The following FAM135B variants were observed in gnomAD, a reference collection of about 807,000 sequenced individuals.
FAM135B encodes the protein family with sequence similarity 135 member B.
A neutral mutation model predicts 127.7 loss-of-function variants in FAM135B; 43 were observed. The ratio of observed to expected loss-of-function variants is 0.34; its 90% CI spans 0.26 to 0.43. The LOEUF is 0.43. FAM135B is among the 20% of genes least tolerant of loss of function. The pLI, the probability that FAM135B is intolerant of heterozygous loss-of-function variation, is 1.00. For missense variants in FAM135B, 1,558 were observed against 1,725.6 expected, an observed-to-expected ratio of 0.90 and a Z score of 1.72; for synonymous variants, 670 against 665.1, an observed-to-expected ratio of 1.01 and a Z score of -0.11.
rs774944317 is a variant in FAM135B at position 138,243,112 on chromosome 8, A to G, written c.543-44T>C. The G allele has an allele frequency of 1.1e-5, 17 of 1,579,194 alleles. No individual in the cohort carries two copies. Among genetic ancestry groups the G allele is most frequent in the South Asian group, 1.2e-5 (1 of 84,572 alleles). On this transcript the variant is annotated intron_variant, in intron 6 of 19. Transcript: ENST00000395297. The surrounding 1 kb of genome is among the most constrained non-coding windows in gnomAD (Gnocchi z 7.5). ...AAAGGGTGAAAAAGGAGGTAAAGAA[A>G]GTGATGGTGCCATTAACTCAGCCCC...
At chr8:138,140,325 G>T (rs1249940784) in intron 17 of FAM135B, among the ~76,000 whole-genome samples, 2 of 152,230 alleles carry the variant, frequency 1.3e-5, no homozygotes, top group Non-Finnish European at 2.9e-5. Context: ...GGACAAGGAA[G>T]CTTATCAGGG....
chr8:138,425,998 T>TATATATATATAC (rs1834835152), intron 1 of FAM135B, among the ~76,000 whole-genome samples: 2 of 14,956 alleles, frequency 1.3e-4, no homozygotes, highest in African/African-American at 1.3e-3. Flanking sequence ...TATATATATA[T>TATATATATATAC]ATATATATAT....
intron 1 of FAM135B, among the ~76,000 whole-genome samples, chr8:138,454,021 G>C (rs1519373): frequency 0.58 from 88,638 of 151,800 alleles, 27,666 homozygotes; most frequent in African/African-American, 0.8. Context: ...CGAGCTATGC[G>C]TGCAACTCAT....
intron 2 of FAM135B, among the ~76,000 whole-genome samples, chr8:138,315,636 T>C (rs183799982): frequency 5.4e-4 from 78 of 143,638 alleles, no homozygotes; most frequent in African/African-American, 2.1e-3. Context: ...CACACACACA[T>C]ACACATGCAC....
chr8:138,163,855 C>A (rs1380204593), intron 12 of FAM135B, among the ~76,000 whole-genome samples: 2 of 152,080 alleles, frequency 1.3e-5, no homozygotes, highest in African/African-American at 2.4e-5. Flanking sequence ...CAGGGTCTCA[C>A]CTGTCACCCA....
chr8:138,313,110 A>C (rs1475932007), intron 2 of FAM135B, among the ~76,000 whole-genome samples: 1 of 152,202 alleles, frequency 6.6e-6, no homozygotes, highest in Non-Finnish European at 1.5e-5. Flanking sequence ...CTATTAGGAA[A>C]CAGAGAAAAG....
chr8:138,445,944 A>C (rs530165589), intron 1 of FAM135B, among the ~76,000 whole-genome samples: 25 of 152,324 alleles, frequency 1.6e-4, no homozygotes, highest in Non-Finnish European at 3.1e-4. Context: ...CTGATAAGCA[A>C]CTTCAGCAAA....
At chr8:138,437,267 A>T (rs1212038198) in intron 1 of FAM135B, 3 of 152,220 alleles carry the variant, frequency 2.0e-5, no homozygotes, top group African/African-American at 7.2e-5. Flanking sequence ...TCTGTGATAT[A>T]GTTAGGCTTT....
intron 1 of FAM135B, among the ~76,000 whole-genome samples, chr8:138,379,255 G>C (rs954052202): frequency 6.6e-6 from 1 of 152,032 alleles, no homozygotes; most frequent in African/African-American, 2.4e-5. Context: ...TTCACATTCT[G>C]ACCATTTTAC....
At chr8:138,344,225 T>C (rs892943678) in intron 2 of FAM135B, among the ~76,000 whole-genome samples, 3 of 152,220 alleles carry the variant, frequency 2.0e-5, no homozygotes, top group Admixed American at 6.5e-5. Flanking sequence ...AGGGAGAAGA[T>C]ACCATGTCAA....
At chr8:138,150,305 C>T (rs951651065) in intron 13 of FAM135B, among the ~76,000 whole-genome samples, 8 of 152,130 alleles carry the variant, frequency 5.3e-5, no homozygotes, top group African/African-American at 1.9e-4. Flanking sequence ...TCAAAGAACT[C>T]CCCTTTCAAA....
At chr8:138,143,901 G>A (rs906315496) in intron 15 of FAM135B, among the ~76,000 whole-genome samples, 2 of 152,168 alleles carry the variant, frequency 1.3e-5, no homozygotes, top group Non-Finnish European at 2.9e-5. Flanking sequence ...GAGGATAGGA[G>A]TGGTGAAGAG....
intron 1 of FAM135B, among the ~76,000 whole-genome samples, chr8:138,442,797 CA>C (rs1184522052): frequency 6.6e-6 from 1 of 152,030 alleles, no homozygotes; most frequent in Non-Finnish European, 1.5e-5. Flanking sequence ...TTCCCACTCC[CA>C]GGGGGAAGGA....
intron 1 of FAM135B, among the ~76,000 whole-genome samples, chr8:138,375,151 T>C (rs1831384938): frequency 6.6e-6 from 1 of 152,002 alleles, no homozygotes. Context: ...AAACTGCACA[T>C]GTAGCTGATA....
intron 3 of FAM135B, among the ~76,000 whole-genome samples, chr8:138,300,317 C>T (rs1825794743): frequency 6.6e-6 from 1 of 151,984 alleles, no homozygotes; most frequent in Non-Finnish European, 1.5e-5. Flanking sequence ...GAGCCTGTGG[C>T]CTAGCCAAGG....
intron 1 of FAM135B, among the ~76,000 whole-genome samples, chr8:138,432,908 G>A (rs991195023): frequency 6.6e-6 from 1 of 152,056 alleles, no homozygotes; most frequent in Non-Finnish European, 1.5e-5. Context: ...TTGTAAAACA[G>A]TCCAGGTACC....
chr8:138,243,386 G>A lies in FAM135B; in HGVS notation c.543-318C>T, dbSNP rs549429739. On this transcript the variant is annotated intron_variant, in intron 6 of 19. Coordinates refer to ENST00000395297, the MANE Select transcript of FAM135B (RefSeq NM_015912.4). This position sits in a 1 kb window ranked among gnomAD's most constrained non-coding sequence, Gnocchi z 7.5. ...CCAAGCTTATATCACTAGAGGGGAAGGTGGCATGGGCTCCGAAAATTTCAG... is the reference window on the plus strand; with the variant it reads ...CCAAGCTTATATCACTAGAGGGGAAAGTGGCATGGGCTCCGAAAATTTCAG... Among the ~76,000 whole-genome samples, 18 of 152,308 alleles carry A rather than the reference G, an allele frequency of 1.2e-4. No homozygotes were observed. Among genetic ancestry groups the A allele is most frequent in the African/African-American group, 3.4e-4 (14 of 41,568 alleles).
intron 7 of FAM135B, among the ~76,000 whole-genome samples, chr8:138,238,655 A>G (rs1226293405): frequency 1.3e-5 from 2 of 152,148 alleles, no homozygotes; most frequent in Non-Finnish European, 2.9e-5. Flanking sequence ...TGAAGGGAAC[A>G]CCTGTTCTCT....
chr8:138,349,554 C>G (rs1567686), intron 2 of FAM135B, among the ~76,000 whole-genome samples: 74,603 of 152,060 alleles, frequency 0.49, 20,536 homozygotes, highest in Non-Finnish European at 0.64. Context: ...TTCTTTTTCA[C>G]TTTTTCTTTC....
Sources: allele counts gnomAD v4.1 joint callset (sites outside exome capture counted in the v4.1 genomes callset), GRCh38; gene constraint gnomAD v4.1.1; non-coding constraint Gnocchi (gnomAD v3.1); transcripts MANE v1.5; gene names NCBI Gene and HGNC (gene_info 2026-07-23, HGNC 2026-07-21).